Variants in SYT9 observed in about 807,000 individuals in gnomAD.
SYT9 encodes the protein synaptotagmin 9, also known as synaptotagmin-9.
In SYT9, 22 loss-of-function variants were observed where a neutral mutation model predicts 48.4. The observed-to-expected ratio is 0.45, with a 90% CI of 0.32 to 0.65. The LOEUF (loss-of-function observed/expected upper bound fraction) is 0.65, where lower values mean the gene tolerates loss of function less well. SYT9 is among the 30% of genes least tolerant of loss of function. SYT9 has a pLI of 0.03. For missense variants in SYT9, 577 were observed against 622.0 expected (o/e 0.93, Z 0.77); for synonymous variants, 265 against 245.0 (o/e 1.08, Z -0.76).
intron 2 of SYT9, among the ~76,000 whole-genome samples, chr11:7,303,956 C>T (rs750240400): frequency 2.0e-5 from 3 of 152,282 alleles, no homozygotes; most frequent in East Asian, 3.9e-4. Context: ...TACAGAGTAC[C>T]GATACCTAGG....
chr11:7,291,579 C>G (rs1376507395), intron 1 of SYT9, among the ~76,000 whole-genome samples: 3 of 152,270 alleles, frequency 2.0e-5, no homozygotes, highest in South Asian at 4.1e-4. Flanking sequence ...CTTTCAAGAA[C>G]TATGAGAAGG....
chr11:7,348,971 G>T (rs1333983403), intron 3 of SYT9, among the ~76,000 whole-genome samples: 1 of 151,966 alleles, frequency 6.6e-6, no homozygotes, highest in Non-Finnish European at 1.5e-5. Context: ...TAGGCGGGCT[G>T]GGGGTGGGAA....
intron 1 of SYT9, among the ~76,000 whole-genome samples, chr11:7,302,204 A>G (rs1848934027): frequency 6.6e-6 from 1 of 152,200 alleles, no homozygotes; most frequent in Non-Finnish European, 1.5e-5. Flanking sequence ...AAAGAGAGCT[A>G]ATGTGTAATA....
In SYT9 at chr11:7,313,679, A is replaced by G; in HGVS notation, c.782A>G (p.Lys261Arg). The change falls in exon 3 of 7, where the codon AAG (lysine) becomes AGG (arginine). Residue 261 changes from lysine (K) to arginine (R), a missense_variant. Physicochemically the swap from Lys to Arg is conservative, Grantham distance 26. Transcript: ENST00000318881. ...TCTGGGACTTCAGATCCTTATGTCA[A>G]GATCTATTTGCTTCCTGATCGGAAA... ...DFSGTSDPYV[K>R]IYLLPDRKTK... The G allele has an allele frequency of 6.2e-7, 1 of 1,614,224 alleles. No homozygotes were observed.
intron 1 of SYT9, among the ~76,000 whole-genome samples, chr11:7,280,208 CA>C (rs1848469186): frequency 6.6e-6 from 1 of 152,258 alleles, no homozygotes; most frequent in Non-Finnish European, 1.5e-5. Context: ...TTATTGATTA[CA>C]TTACAATTGA....
At chr11:7,393,416 C>T (rs1033538164) in intron 3 of SYT9, among the ~76,000 whole-genome samples, 1 of 151,064 alleles carries the variant, frequency 6.6e-6, no homozygotes, top group African/African-American at 2.4e-5. Flanking sequence ...TATTCATTTG[C>T]ATATGTTGAG....
At chr11:7,352,749 T>C (rs1459135196) in intron 3 of SYT9, among the ~76,000 whole-genome samples, 1 of 152,158 alleles carries the variant, frequency 6.6e-6, no homozygotes, top group African/African-American at 2.4e-5. Flanking sequence ...GCAGGATGCA[T>C]ACAAACATGT....
chr11:7,380,776 G>C (rs988320878), intron 3 of SYT9, among the ~76,000 whole-genome samples: 1 of 151,984 alleles, frequency 6.6e-6, no homozygotes, highest in Non-Finnish European at 1.5e-5. Flanking sequence ...TAGCCATATC[G>C]CATTTTGATT....
At chr11:7,308,871 G>C (rs1053441767) in intron 2 of SYT9, among the ~76,000 whole-genome samples, 9 of 152,074 alleles carry the variant, frequency 5.9e-5, no homozygotes, top group African/African-American at 2.2e-4. Context: ...TTGGCTTTTC[G>C]GGTGATAGTT....
At chr11:7,430,117 T>C in intron 6 of SYT9, among the ~76,000 whole-genome samples, 1 of 152,222 alleles carries the variant, frequency 6.6e-6, no homozygotes, top group East Asian at 1.9e-4. Flanking sequence ...ACACAATAAT[T>C]TTAGCAATTC....
intron 6 of SYT9, among the ~76,000 whole-genome samples, chr11:7,463,688 G>A (rs1297931574): frequency 6.6e-6 from 1 of 152,118 alleles, no homozygotes; most frequent in Non-Finnish European, 1.5e-5. Flanking sequence ...TGTGGGCTTG[G>A]TCCCAGCTCA....
chr11:7,260,173 A>G (rs996791312), intron 1 of SYT9, among the ~76,000 whole-genome samples: 3 of 152,186 alleles, frequency 2.0e-5, no homozygotes, highest in African/African-American at 7.2e-5. Context: ...TACATTAGAC[A>G]TGCTTACTGC....
chr11:7,448,978 G>A (rs533153496), intron 6 of SYT9, among the ~76,000 whole-genome samples: 39 of 152,278 alleles, frequency 2.6e-4, no homozygotes, highest in African/African-American at 9.1e-4. Flanking sequence ...GGCCAAGGGT[G>A]TTGCTGATGG....
chr11:7,320,272 A>C (rs1029157217), intron 3 of SYT9, among the ~76,000 whole-genome samples: 3 of 152,170 alleles, frequency 2.0e-5, no homozygotes, highest in African/African-American at 7.2e-5. Context: ...ATGATCATAT[A>C]CACTGGTTTA....
chr11:7,421,101 C>A (rs536237893), intron 6 of SYT9, among the ~76,000 whole-genome samples: 1 of 152,272 alleles, frequency 6.6e-6, no homozygotes, highest in Admixed American at 6.5e-5. Flanking sequence ...ACCAAAACAA[C>A]CAATTATAAA....
At chr11:7,396,580 A>G (rs965599245) in intron 3 of SYT9, among the ~76,000 whole-genome samples, 1 of 152,158 alleles carries the variant, frequency 6.6e-6, no homozygotes, top group Non-Finnish European at 1.5e-5. Context: ...GCATGACTCC[A>G]TGATGTTATT....
intron 3 of SYT9, among the ~76,000 whole-genome samples, chr11:7,407,568 G>A (rs2134084775): frequency 9.7e-6 from 1 of 102,794 alleles, no homozygotes; most frequent in Admixed American, 8.0e-5. Flanking sequence ...TTTTAGTAGA[G>A]ACGGGGTTTC....
chr11:7,434,817 G>A (rs1258073069), intron 6 of SYT9, among the ~76,000 whole-genome samples: 2 of 152,180 alleles, frequency 1.3e-5, no homozygotes, highest in Non-Finnish European at 2.9e-5. Context: ...AGTTGGAGGT[G>A]ACAGAATATA....
At chr11:7,350,613 A>C (rs1849896055) in intron 3 of SYT9, among the ~76,000 whole-genome samples, 1 of 151,992 alleles carries the variant, frequency 6.6e-6, no homozygotes, top group East Asian at 1.9e-4. Flanking sequence ...ACTTTCCTTC[A>C]TCTTCCATAT....
Sources: gnomAD v4.1 joint callset for allele counts (sites outside exome capture counted in the v4.1 genomes callset) on GRCh38, gnomAD v4.1.1 for gene constraint, MANE v1.5 for transcripts, NCBI Gene and HGNC (gene_info 2026-07-23, HGNC 2026-07-21) for gene names.